The following KCNH1 variants were observed in gnomAD, a reference collection of about 807,000 sequenced individuals.
The protein encoded by KCNH1 is voltage-gated delayed rectifier potassium channel KCNH1.
Under a neutral mutation model 69.2 loss-of-function variants are expected in KCNH1, and 27 were observed. The ratio of observed to expected loss-of-function variants is 0.39; its 90% confidence interval spans 0.29 to 0.54. The LOEUF (loss-of-function observed/expected upper bound fraction) is 0.54, where lower values mean the gene tolerates loss of function less well. KCNH1 is among the 20% of genes least tolerant of loss of function. KCNH1 has a pLI of 0.68. For missense variants in KCNH1, 798 were observed against 1,261.6 expected (o/e 0.63, Z 5.57); for synonymous variants, 456 against 487.7 (o/e 0.93, Z 0.86).
intron 10 of KCNH1, among the ~76,000 whole-genome samples, chr1:210,734,184 C>G (rs1456366768): frequency 6.6e-6 from 1 of 152,146 alleles, no homozygotes; most frequent in East Asian, 1.9e-4. Flanking sequence ...AGATGATTAA[C>G]TCATAAAAGA....
chr1:210,908,939 G>A (rs1687171553), intron 7 of KCNH1, among the ~76,000 whole-genome samples: 1 of 152,166 alleles, frequency 6.6e-6, no homozygotes, highest in Non-Finnish European at 1.5e-5. Context: ...AAAGCCTTCT[G>A]CTCCTTTTGT....
At chr1:210,684,167 G>A in intron 10 of KCNH1, 29 bp from the exon 11 acceptor site, 1 of 1,492,036 alleles carries the variant, frequency 6.7e-7, no homozygotes, top group Non-Finnish European at 8.9e-7. Context: ...AGAATGACAT[G>A]GCGTGTTAGC....
At chr1:210,908,057 C>A (rs1421791236) in intron 7 of KCNH1, among the ~76,000 whole-genome samples, 1 of 152,152 alleles carries the variant, frequency 6.6e-6, no homozygotes, top group Non-Finnish European at 1.5e-5. Context: ...AAAAGCCCAC[C>A]GCAAAGGCAG....
At chr1:210,703,809 A>G (rs1367401210) in intron 10 of KCNH1, among the ~76,000 whole-genome samples, 2 of 152,158 alleles carry the variant, frequency 1.3e-5, no homozygotes, top group African/African-American at 2.4e-5. Flanking sequence ...TTTGTATGTA[A>G]AATCTGTAAT....
At chr1:210,943,292 A>G (rs1463206440) in intron 6 of KCNH1, among the ~76,000 whole-genome samples, 1 of 150,942 alleles carries the variant, frequency 6.6e-6, no homozygotes, top group Non-Finnish European at 1.5e-5. Context: ...ACTCAACCCA[A>G]CTATAATGGA....
In KCNH1 at chr1:210,962,287, G is replaced by T. The variant is rs187180886; in HGVS notation, c.1033-42218C>A. On this transcript the variant is annotated intron_variant, in intron 6 of 10. Coordinates refer to ENST00000271751, the MANE Select transcript of KCNH1 (RefSeq NM_172362.3). ...GCCCTCAAGATCATTCTCCTTGATT[G>T]TCTGATACCTGATGGTTTGAAAACT... 2.5e-3 allele frequency among the ~76,000 whole-genome samples: 382 copies of T among 152,234 alleles called. 1 individual carries two copies. Among genetic ancestry groups the T allele is most frequent in the Non-Finnish European group, 4.3e-3 (291 of 68,018 alleles).
At chr1:210,915,357 G>T (rs1364204342) in intron 7 of KCNH1, among the ~76,000 whole-genome samples, 2 of 152,168 alleles carry the variant, frequency 1.3e-5, no homozygotes, top group Admixed American at 6.5e-5. Flanking sequence ...GGCATGAGGG[G>T]ACACTCAGTA....
chr1:210,759,731 G>C (rs1293187312), intron 10 of KCNH1, among the ~76,000 whole-genome samples: 2 of 152,240 alleles, frequency 1.3e-5, no homozygotes, highest in African/African-American at 4.8e-5. Context: ...AGAGAGAAGA[G>C]ATAGTAAGCA....
At chr1:210,917,747 G>C (rs1013961642) in intron 7 of KCNH1, among the ~76,000 whole-genome samples, 1 of 152,198 alleles carries the variant, frequency 6.6e-6, no homozygotes, top group Admixed American at 6.5e-5. Flanking sequence ...TGAGCACAGT[G>C]CATCTGGTTG....
chr1:210,746,451 T>G (rs2149039988), intron 10 of KCNH1, among the ~76,000 whole-genome samples: 1 of 152,282 alleles, frequency 6.6e-6, no homozygotes, highest in East Asian at 1.9e-4. Flanking sequence ...AGTCCAGCCC[T>G]CTTTTAATCC....
intron 7 of KCNH1, among the ~76,000 whole-genome samples, chr1:210,808,460 CAGG>C (rs1684632796): frequency 6.6e-6 from 1 of 152,176 alleles, no homozygotes; most frequent in African/African-American, 2.4e-5. Flanking sequence ...TAAGGGTCCT[CAGG>C]AGGCCCTTGC....
intron 3 of KCNH1, among the ~76,000 whole-genome samples, chr1:211,096,329 GCTGTGATTACAGGTGTGAGCCACCGTGC>G (rs544944032): frequency 4.5e-4 from 69 of 152,278 alleles, no homozygotes; most frequent in Admixed American, 4.5e-3. Context: ...CTCCCAAAGT[GCTGTGATTACAGGTGTGAGCCACCGTGC>G]CTGGCCCCAA....
intron 6 of KCNH1, 61 bp from the exon 7 acceptor site, chr1:210,920,130 C>T: frequency 6.8e-7 from 1 of 1,463,350 alleles, no homozygotes; most frequent in Non-Finnish European, 9.4e-7. Context: ...CTCGTCCCCT[C>T]CGCCCCACTT....
At chr1:210,943,340 T>C (rs1687905331) in intron 6 of KCNH1, among the ~76,000 whole-genome samples, 1 of 151,912 alleles carries the variant, frequency 6.6e-6, no homozygotes, top group Non-Finnish European at 1.5e-5. Flanking sequence ...ATTTTTTATT[T>C]TTTATTTTTT....
intron 5 of KCNH1, among the ~76,000 whole-genome samples, chr1:211,029,270 C>T (rs948122102): frequency 7.8e-6 from 1 of 128,950 alleles, no homozygotes; most frequent in Non-Finnish European, 1.6e-5. Flanking sequence ...GAGTTCGAGG[C>T]TGCAGTGAGC....
At chr1:210,912,962 G>C (rs1159529013) in intron 7 of KCNH1, among the ~76,000 whole-genome samples, 1 of 152,194 alleles carries the variant, frequency 6.6e-6, no homozygotes, top group East Asian at 1.9e-4. Flanking sequence ...TCACAGAGCA[G>C]TATAAAGTGA....
At chr1:210,704,232 C>T (rs923131096) in intron 10 of KCNH1, among the ~76,000 whole-genome samples, 2 of 152,172 alleles carry the variant, frequency 1.3e-5, no homozygotes, top group Non-Finnish European at 2.9e-5. Context: ...CAGTACAATG[C>T]TCTGCTGTCT....
At chr1:210,798,128 C>T (rs1182209170) in intron 8 of KCNH1, among the ~76,000 whole-genome samples, 1 of 151,444 alleles carries the variant, frequency 6.6e-6, no homozygotes, top group Non-Finnish European at 1.5e-5. Context: ...CAAGCTCCGC[C>T]TCCCAGGTTC....
intron 5 of KCNH1, among the ~76,000 whole-genome samples, chr1:211,053,912 A>C (rs1690253957): frequency 6.6e-6 from 1 of 152,192 alleles, no homozygotes; most frequent in Non-Finnish European, 1.5e-5. Flanking sequence ...GACATGAATA[A>C]GACATTATTT....
Sources: allele counts gnomAD v4.1 joint callset (sites outside exome capture counted in the v4.1 genomes callset), GRCh38; gene constraint gnomAD v4.1.1; transcripts MANE v1.5; gene names NCBI Gene and HGNC (gene_info 2026-07-23, HGNC 2026-07-21).